RAB11FIP3: variants seen among roughly 807,000 people sequenced by gnomAD.
RAB11FIP3 encodes rab11 family-interacting protein 3.
RAB11FIP3 carries 17 observed loss-of-function variants against 77.8 expected under a neutral mutation model. That is an observed-to-expected ratio of 0.22 (90% CI 0.15 to 0.33). RAB11FIP3 has a LOEUF of 0.33. Among genes scored for constraint, RAB11FIP3 ranks in the 10% least tolerant of loss-of-function variants. The pLI is 1.00. For synonymous variants in RAB11FIP3, 437 were observed against 448.2 expected, an observed-to-expected ratio of 0.98 and a Z score of 0.31; for missense variants, 1,005 against 1,011.2, an observed-to-expected ratio of 0.99 and a Z score of 0.08.
chr16:465,252 A>G (rs2055682207), intron 2 of RAB11FIP3, among the ~76,000 whole-genome samples: 1 of 151,990 alleles, frequency 6.6e-6, no homozygotes. Flanking sequence ...GGGGACCCCC[A>G]GAACTGGTTG....
At chr16:502,913 CT>C in intron 6 of RAB11FIP3, 90 bp from the exon 7 acceptor site, 3 of 1,052,330 alleles carry the variant, frequency 2.9e-6, no homozygotes, top group Non-Finnish European at 3.0e-6. Flanking sequence ...CTGCTGCCTG[CT>C]TTTCAGATTG....
intron 1 of RAB11FIP3, among the ~76,000 whole-genome samples, chr16:435,618 G>T (rs551189761): frequency 4.1e-4 from 63 of 152,278 alleles, no homozygotes; most frequent in Non-Finnish European, 8.2e-4. Context: ...AGGAGAGGGC[G>T]TATGGTGGGA....
chr16:475,211 T>C, intron 3 of RAB11FIP3: 1 of 1,255,058 alleles, frequency 8.0e-7, no homozygotes. Flanking sequence ...CTTGAGTTAC[T>C]GATGGCCCTG....
chr16:510,158 A>G (rs2032069303), intron 8 of RAB11FIP3, among the ~76,000 whole-genome samples: 1 of 140,272 alleles, frequency 7.1e-6, no homozygotes, highest in African/African-American at 2.8e-5. Flanking sequence ...TGGCCCTGGC[A>G]CCTCCACGCC....
chr16:511,068 C>G (rs2032129027), intron 9 of RAB11FIP3, among the ~76,000 whole-genome samples: 1 of 138,588 alleles, frequency 7.2e-6, no homozygotes, highest in Non-Finnish European at 1.5e-5. Context: ...GACGGCCCGC[C>G]AACCCCAGAA....
intron 5 of RAB11FIP3, among the ~76,000 whole-genome samples, chr16:492,510 AGGGCCCTCCCGGGAGACCCGAGGCCG>A (rs2030630711): frequency 2.6e-5 from 3 of 114,856 alleles, no homozygotes; most frequent in Non-Finnish European, 6.1e-5. Flanking sequence ...GAGGCCGCCC[AGGGCCCTCCCGGGAGACCCGAGGCCG>A]TCCAGAATCT....
intron 1 of RAB11FIP3, among the ~76,000 whole-genome samples, chr16:431,505 G>GA (rs2055035742): frequency 6.6e-6 from 1 of 151,840 alleles, no homozygotes; most frequent in African/African-American, 2.4e-5. Flanking sequence ...TGAGTCTCCT[G>GA]AGTAGCTTGG....
intron 6 of RAB11FIP3, among the ~76,000 whole-genome samples, chr16:499,959 A>C (rs2141845278): frequency 6.6e-6 from 1 of 152,372 alleles, no homozygotes; most frequent in Middle Eastern, 3.4e-3. Context: ...AAGGAAGAGC[A>C]AAATAAACGT....
rs1221720930 is a variant in RAB11FIP3, at chr16:481,040, C to A, written c.904-1485C>A. ...GTCAGGCTGGTCTCGAACTCCCAAC[C>A]TCAGGTGATCCTTCTGCCTCGGCCT... is the stretch of plus-strand genomic sequence containing the variant. On this transcript the variant is annotated intron_variant, in intron 3 of 13. Coordinates refer to ENST00000262305, the MANE Select transcript of RAB11FIP3 (RefSeq NM_014700.4). Among the ~76,000 whole-genome samples the A allele has an allele frequency of 5.3e-5, 3 of 56,162 alleles. 1 individual carries two copies. In the East Asian group the frequency reaches 1.1e-3, roughly 21 times the overall value. The allele number at this position is 56,162 out of a possible 152,430, so 36.8% of individuals were successfully genotyped here.
intron 3 of RAB11FIP3, among the ~76,000 whole-genome samples, chr16:476,789 AAAAG>A (rs1176449999): frequency 6.6e-5 from 10 of 150,592 alleles, no homozygotes; most frequent in Admixed American, 2.0e-4. Flanking sequence ...AAAAAAAAAA[AAAAG>A]AAAGAAAAAA....
chr16:433,649 C>T lies in RAB11FIP3; in HGVS notation c.714+6929C>T, dbSNP rs2055077980. ...GGATCACGAGGTCAGGAGATCGAGA[C>T]CATCCTAGCTAACACGGTGAAACCC... On this transcript the variant is annotated intron_variant, in intron 1 of 13. Transcript: ENST00000262305. 2.0e-5 allele frequency among the ~76,000 whole-genome samples: 3 copies of T among 151,464 alleles called. No individual in the cohort carries two copies. The East Asian group carries it at 5.9e-4, about 30-fold the overall frequency.
At chr16:490,520 G>T (rs181112491) in intron 5 of RAB11FIP3, among the ~76,000 whole-genome samples, 4 of 152,062 alleles carry the variant, frequency 2.6e-5, no homozygotes, top group Non-Finnish European at 4.4e-5. Context: ...TGTATTTTTT[G>T]TAGAGACGGG....
At chr16:467,332 G>T (rs2141668807) in intron 2 of RAB11FIP3, among the ~76,000 whole-genome samples, 1 of 152,348 alleles carries the variant, frequency 6.6e-6, no homozygotes, top group African/African-American at 2.4e-5. Context: ...GCATCCCTGA[G>T]AGCTGGTGTG....
chr16:426,271 G>T lies in RAB11FIP3; in HGVS notation c.265G>T (p.Ala89Ser). Reference sequence around the variant, plus strand: ...AGGCCCGCGAGACCCCGGGCCGTCCGCCCCGCCGCCGCGCTCCGGCCCGCG... The same window carrying T: ...AGGCCCGCGAGACCCCGGGCCGTCCTCCCCGCCGCCGCGCTCCGGCCCGCG... ...EGGPRDPGPS[A>S]PPPRSGPRGQ... The change falls in exon 1 of 14, where the codon GCC becomes TCC. Residue 89 changes from alanine to serine, a missense_variant. Ala to Ser is a moderately conservative substitution (Grantham distance 99). Around this residue, in one of 4 missense-constraint regions of RAB11FIP3, gnomAD observed 466 missense variants for 408.3 expected, o/e 1.14. Transcript: ENST00000262305. This position sits in a 1 kb window ranked among gnomAD's most constrained non-coding sequence, Gnocchi z 5.0. 3.3e-6 allele frequency: 4 copies of T among 1,202,038 alleles called. 1 individual carries two copies. The highest frequency in any genetic ancestry group is 4.1e-6 in the Non-Finnish European group (4 of 970,346). 74.5% of individuals were successfully genotyped at this position (1,202,038 alleles called of 1,614,324 possible). A position where few individuals can be genotyped will look rare whatever the true frequency, so the allele number is the denominator to read the frequency against.
At chr16:481,237 G>T (rs1006374583) in intron 3 of RAB11FIP3, among the ~76,000 whole-genome samples, 1 of 151,942 alleles carries the variant, frequency 6.6e-6, no homozygotes, top group Non-Finnish European at 1.5e-5. Context: ...CCTGGCTGGC[G>T]CTGTGGCTCA....
At position 514,639 on chromosome 16, in the gene RAB11FIP3, C is replaced by A. The variant is rs373893565; in HGVS notation, c.1640+3839C>A. On this transcript the variant is annotated intron_variant, in intron 9 of 13. Coordinates refer to ENST00000262305, the MANE Select transcript of RAB11FIP3 (RefSeq NM_014700.4). The surrounding 1 kb of genome is among the most constrained non-coding windows in gnomAD (Gnocchi z 4.6). ...GCAGAATGGGGCTGTACGAAGGTCACAGGCAGAGATCTGAATCTCAGGACA... is the reference window on the plus strand; with the variant it reads ...GCAGAATGGGGCTGTACGAAGGTCAAAGGCAGAGATCTGAATCTCAGGACA... Among the ~76,000 whole-genome samples the A allele has an allele frequency of 7.2e-5, 11 of 152,282 alleles. No individual in the cohort carries two copies. The East Asian group carries it at 2.1e-3, about 29-fold the overall frequency.
chr16:513,325 A>G (rs889459548), intron 9 of RAB11FIP3, among the ~76,000 whole-genome samples: 9 of 151,990 alleles, frequency 5.9e-5, no homozygotes, highest in African/African-American at 1.5e-4. Context: ...GGCTCAAGCA[A>G]TCCTCCTGCC....
chr16:431,220 GTA>G (rs2055029988), intron 1 of RAB11FIP3, among the ~76,000 whole-genome samples: 1 of 152,126 alleles, frequency 6.6e-6, no homozygotes, highest in Admixed American at 6.6e-5. Context: ...GGCATATTAT[GTA>G]TGTGTGTGAG....
In RAB11FIP3 at chr16:514,737, A is replaced by G. The variant is rs2032327218; in HGVS notation, c.1640+3937A>G. On this transcript the variant is annotated intron_variant, in intron 9 of 13. Coordinates refer to ENST00000262305, the MANE Select transcript of RAB11FIP3 (RefSeq NM_014700.4). The surrounding 1 kb of genome is among the most constrained non-coding windows in gnomAD (Gnocchi z 4.6). Reference sequence around the variant, plus strand: ...GGGCCCCCAGGGGCTTCCAGAAAGTATGGGAGCCCCTGGCAGGCTGCAGAG... The same window carrying G: ...GGGCCCCCAGGGGCTTCCAGAAAGTGTGGGAGCCCCTGGCAGGCTGCAGAG... 6.6e-6 allele frequency among the ~76,000 whole-genome samples: 1 copy of G among 152,168 alleles called. No individual in the cohort carries two copies. The highest frequency in any genetic ancestry group is 1.5e-5 in the Non-Finnish European group (1 of 68,018).
Sources: allele counts gnomAD v4.1 joint callset (sites outside exome capture counted in the v4.1 genomes callset), GRCh38; gene constraint gnomAD v4.1.1; regional missense constraint gnomAD v4.1.1; non-coding constraint Gnocchi (gnomAD v3.1); transcripts MANE v1.5; gene names NCBI Gene and HGNC (gene_info 2026-07-23, HGNC 2026-07-21).